KIF26B: variants seen among roughly 807,000 people sequenced by gnomAD.
KIF26B encodes the protein kinesin family member 26B.
In KIF26B, 63 loss-of-function variants were observed where a neutral mutation model predicts 151.2. The observed-to-expected ratio is 0.42, with a 90% CI of 0.34 to 0.51. The LOEUF is 0.51. Ranked by LOEUF, KIF26B falls within the 20% of genes least tolerant of loss-of-function variation. KIF26B has a pLI of 0.07. For synonymous variants in KIF26B, 1,357 were observed against 1,262.1 expected (o/e 1.08, Z -1.59); for missense variants, 2,813 against 2,913.6 (o/e 0.97, Z 0.79).
chr1:245,596,216 G>C (rs907346927), intron 5 of KIF26B, among the ~76,000 whole-genome samples: 2 of 152,030 alleles, frequency 1.3e-5, no homozygotes, highest in African/African-American at 4.8e-5. Flanking sequence ...GAATCTGTTT[G>C]CTCTTGCTTC....
intron 2 of KIF26B, among the ~76,000 whole-genome samples, chr1:245,342,479 C>G (rs762652255): frequency 6.2e-4 from 95 of 152,306 alleles, no homozygotes; most frequent in Admixed American, 1.3e-3. Flanking sequence ...GGACCGTCAC[C>G]CACCGGTGGC....
intron 2 of KIF26B, among the ~76,000 whole-genome samples, chr1:245,219,367 C>A (rs1258204262): frequency 2.6e-5 from 4 of 151,818 alleles, no homozygotes; most frequent in African/African-American, 7.3e-5. Context: ...GATCTGCCTG[C>A]CCCGGCCTCC....
chr1:245,411,934 G>A (rs1674296643), intron 3 of KIF26B, among the ~76,000 whole-genome samples: 1 of 152,182 alleles, frequency 6.6e-6, no homozygotes, highest in Non-Finnish European at 1.5e-5. Flanking sequence ...TGACTGCAGT[G>A]GAACATCGGC....
At chr1:245,400,949 A>G (rs1178240470) in intron 3 of KIF26B, among the ~76,000 whole-genome samples, 1 of 152,202 alleles carries the variant, frequency 6.6e-6, no homozygotes, top group African/African-American at 2.4e-5. Context: ...TTTAGAGTGA[A>G]TTACGGAAGG....
intron 2 of KIF26B, among the ~76,000 whole-genome samples, chr1:245,195,632 C>T (rs1002774634): frequency 2.6e-5 from 4 of 152,182 alleles, no homozygotes; most frequent in Admixed American, 2.0e-4. Flanking sequence ...GGCTCCGCTT[C>T]AGGGCCGGGG....
intron 2 of KIF26B, among the ~76,000 whole-genome samples, chr1:245,190,466 C>T (rs1452421476): frequency 6.6e-6 from 1 of 152,052 alleles, no homozygotes; most frequent in African/African-American, 2.4e-5. Flanking sequence ...CCCATTAGCA[C>T]ATCCCACAAG....
chr1:245,238,886 C>T (rs1222099257), intron 2 of KIF26B, among the ~76,000 whole-genome samples: 5 of 151,696 alleles, frequency 3.3e-5, no homozygotes, highest in Non-Finnish European at 7.4e-5. Flanking sequence ...ACAAAAAAAC[C>T]CCAATTGATC....
chr1:245,282,815 TA>T (rs34770861), intron 2 of KIF26B: 96,025 of 174,534 alleles, frequency 0.55, 27,151 homozygotes, highest in East Asian at 0.68. Context: ...TCCGCTCCTT[TA>T]AAAAAAAAGA....
At chr1:245,261,504 CCT>C (rs1558366109) in intron 2 of KIF26B, among the ~76,000 whole-genome samples, 2 of 98,018 alleles carry the variant, frequency 2.0e-5, no homozygotes, top group African/African-American at 4.4e-5. Flanking sequence ...TCTCTCTCTC[CCT>C]CCCTCCCTCC....
intron 9 of KIF26B, among the ~76,000 whole-genome samples, chr1:245,618,648 G>A (rs1159541280): frequency 1.4e-5 from 2 of 142,102 alleles, no homozygotes; most frequent in Non-Finnish European, 3.0e-5. Context: ...TGTGTCCACT[G>A]CATCAGTGTC....
At chr1:245,682,945 G>C (rs970937041) in intron 10 of KIF26B, among the ~76,000 whole-genome samples, 1 of 151,968 alleles carries the variant, frequency 6.6e-6, no homozygotes, top group South Asian at 2.1e-4. Flanking sequence ...CCCTTACCTC[G>C]CCACGTTCAT....
intron 3 of KIF26B, among the ~76,000 whole-genome samples, chr1:245,370,854 T>C (rs1327634371): frequency 6.6e-6 from 1 of 152,246 alleles, no homozygotes; most frequent in Non-Finnish European, 1.5e-5. Flanking sequence ...AAGTATTTAT[T>C]AATCTCTAAC....
chr1:245,431,040 C>T (rs759855713), intron 4 of KIF26B, among the ~76,000 whole-genome samples: 4 of 152,142 alleles, frequency 2.6e-5, no homozygotes, highest in Admixed American at 6.5e-5. Flanking sequence ...ACCATGCTCT[C>T]CTGCCTCCAA....
Position 245,284,712 on chromosome 1 carries a change from G to T in KIF26B, c.466-82122G>T, listed in dbSNP as rs550177357. ...ATTGGTTATCTTTTGCCCTAATGTG[G>T]TGTAACAAGTCACCACAAAACTTAG... On this transcript the variant is annotated intron_variant, in intron 2 of 14. Transcript: ENST00000407071. Among the ~76,000 whole-genome samples, 43 of 152,218 alleles carry T rather than the reference G, an allele frequency of 2.8e-4. 1 individual carries two copies. The highest frequency in any genetic ancestry group is 8.2e-4 in the African/African-American group (34 of 41,544).
chr1:245,384,767 A>G (rs1357403622), intron 3 of KIF26B, among the ~76,000 whole-genome samples: 1 of 152,272 alleles, frequency 6.6e-6, no homozygotes, highest in Non-Finnish European at 1.5e-5. Context: ...CCATGAATTA[A>G]TAAAAAGTTT....
At chr1:245,435,610 A>T (rs568347501) in intron 4 of KIF26B, among the ~76,000 whole-genome samples, 3 of 152,196 alleles carry the variant, frequency 2.0e-5, no homozygotes, top group Admixed American at 2.0e-4. Context: ...TGCATCTCAT[A>T]GTCATTAAGG....
intron 3 of KIF26B, among the ~76,000 whole-genome samples, chr1:245,418,607 T>G (rs1477366411): frequency 6.6e-6 from 1 of 152,254 alleles, no homozygotes; most frequent in African/African-American, 2.4e-5. Context: ...AGTAGGTGAT[T>G]GGAAACATTT....
chr1:245,659,358 C>T (rs1235420862), intron 10 of KIF26B, among the ~76,000 whole-genome samples: 1 of 152,186 alleles, frequency 6.6e-6, no homozygotes, highest in South Asian at 2.1e-4. Flanking sequence ...CTGACACCCA[C>T]CTTCAACTTT....
intron 3 of KIF26B, among the ~76,000 whole-genome samples, chr1:245,416,950 T>A (rs1674434310): frequency 1.3e-5 from 2 of 152,070 alleles, no homozygotes; most frequent in African/African-American, 4.8e-5. Flanking sequence ...CCTCTCCCCA[T>A]TGTGGAACTA....
Sources: allele counts gnomAD v4.1 joint callset (sites outside exome capture counted in the v4.1 genomes callset), GRCh38; gene constraint gnomAD v4.1.1; transcripts MANE v1.5; gene names NCBI Gene and HGNC (gene_info 2026-07-23, HGNC 2026-07-21).